The following TTBK2 variants were observed in gnomAD, a reference collection of about 807,000 sequenced individuals.
TTBK2 encodes tau-tubulin kinase 2.
A neutral mutation model predicts 110.8 loss-of-function variants in TTBK2; 28 were observed. The observed-to-expected ratio is 0.25, with a 90% confidence interval of 0.19 to 0.35. The LOEUF is 0.35. Among genes scored for constraint, TTBK2 ranks in the 10% least tolerant of loss-of-function variants. The pLI, the probability that TTBK2 is intolerant of heterozygous loss-of-function variation, is 1.00. For synonymous variants in TTBK2, 532 were observed against 527.3 expected (o/e 1.01, Z -0.12); for missense variants, 1,369 against 1,500.3 (o/e 0.91, Z 1.45).
intron 3 of TTBK2, among the ~76,000 whole-genome samples, chr15:42,862,573 C>G (rs1037845616): frequency 1.3e-5 from 2 of 152,072 alleles, no homozygotes; most frequent in Non-Finnish European, 2.9e-5. Context: ...GACTAGGCAT[C>G]AAAAGAACAT....
chr15:42,871,849 A>C (rs1036807923), intron 3 of TTBK2, among the ~76,000 whole-genome samples: 3 of 152,176 alleles, frequency 2.0e-5, no homozygotes, highest in African/African-American at 7.2e-5. Flanking sequence ...ATCATTCTCT[A>C]ATCAAATGAG....
At chr15:42,832,664 G>T (rs1595961791) in intron 4 of TTBK2, among the ~76,000 whole-genome samples, 1 of 152,268 alleles carries the variant, frequency 6.6e-6, no homozygotes, top group Middle Eastern at 3.4e-3. Flanking sequence ...CCAGAAATAA[G>T]CAGTTAATAA....
At chr15:42,801,379 T>C (rs1891193570) in intron 9 of TTBK2, 1 of 1,383,524 alleles carries the variant, frequency 7.2e-7, no homozygotes, top group Non-Finnish European at 1.0e-6. Flanking sequence ...GCATCCTTAA[T>C]GGCTAGCTCC....
rs142483965 is a variant in TTBK2, at chr15:42,837,939, G to A, written c.291+2421C>T. Among the ~76,000 whole-genome samples the A allele has an allele frequency of 3.7e-3, 562 of 152,266 alleles. 2 individuals carry two copies. The highest frequency in any genetic ancestry group is 0.013 in the African/African-American group (537 of 41,554). Reference sequence around the variant, plus strand: ...AATAAAGAAACCTGCTGGGCGCGGTGGCTCACACCTGTAATCCCAGCACTT... The same window carrying A: ...AATAAAGAAACCTGCTGGGCGCGGTAGCTCACACCTGTAATCCCAGCACTT... On this transcript the variant is annotated intron_variant, in intron 4 of 14. Transcript: ENST00000267890.
intron 13 of TTBK2, among the ~76,000 whole-genome samples, chr15:42,766,524 AACAG>A (rs1218190984): frequency 6.6e-6 from 1 of 151,534 alleles, no homozygotes; most frequent in Non-Finnish European, 1.5e-5. Flanking sequence ...CAAAGATCAA[AACAG>A]ACAAAGAAGG....
At chr15:42,860,991 C>G (rs1422927701) in intron 3 of TTBK2, among the ~76,000 whole-genome samples, 1 of 151,988 alleles carries the variant, frequency 6.6e-6, no homozygotes, top group African/African-American at 2.4e-5. Flanking sequence ...GAATTTAAAC[C>G]AACAACAATC....
chr15:42,798,446 GA>G (rs1208834581), intron 9 of TTBK2, among the ~76,000 whole-genome samples: 5 of 152,122 alleles, frequency 3.3e-5, no homozygotes, highest in Non-Finnish European at 5.9e-5. Flanking sequence ...CCTACATTTA[GA>G]GTCTAAGTTT....
intron 1 of TTBK2, among the ~76,000 whole-genome samples, chr15:42,899,097 T>C (rs1404237808): frequency 6.6e-6 from 1 of 152,024 alleles, no homozygotes; most frequent in African/African-American, 2.4e-5. Flanking sequence ...GGCTAAAGCA[T>C]TCCTCCTACC....
intron 5 of TTBK2, 126 bp downstream of exon 5, chr15:42,829,812 A>G: frequency 7.4e-7 from 1 of 1,344,692 alleles, no homozygotes; most frequent in Non-Finnish European, 1.0e-6. Flanking sequence ...TCTCTATTGG[A>G]ATGAAAATAT....
intron 9 of TTBK2, among the ~76,000 whole-genome samples, chr15:42,799,170 C>A (rs1891069864): frequency 6.6e-6 from 1 of 152,080 alleles, no homozygotes; most frequent in Non-Finnish European, 1.5e-5. Flanking sequence ...GAGATCGAGA[C>A]CATCCTCACT....
rs112355876 is a variant in TTBK2, at chr15:42,816,456, G to A, written c.603+576C>T. 4.2e-3 allele frequency among the ~76,000 whole-genome samples: 636 copies of A among 151,908 alleles called. 2 individuals are homozygous for A. The highest frequency in any genetic ancestry group is 0.01 in the Middle Eastern group (3 of 294). Reference sequence around the variant, plus strand: ...AAAGACATAAATATACTTAGCTATCGTCTTTTCTGGCAAATCCAATTTTAT... The same window carrying A: ...AAAGACATAAATATACTTAGCTATCATCTTTTCTGGCAAATCCAATTTTAT... On this transcript the variant is annotated intron_variant, in intron 7 of 14. Coordinates refer to ENST00000267890, the MANE Select transcript of TTBK2 (RefSeq NM_173500.4).
intron 10 of TTBK2, among the ~76,000 whole-genome samples, chr15:42,785,069 G>GCC (rs1890347793): frequency 6.7e-6 from 1 of 149,958 alleles, no homozygotes; most frequent in South Asian, 2.1e-4. Context: ...AATCAGCTAT[G>GCC]TTATTTTTTT....
chr15:42,801,350 C>T, intron 9 of TTBK2: 1 of 1,547,390 alleles, frequency 6.5e-7, no homozygotes, highest in Non-Finnish European at 8.9e-7. Context: ...CGGCCTCCAG[C>T]TCAGACAGCT....
At chr15:42,786,081 C>T (rs1407257538) in intron 10 of TTBK2, among the ~76,000 whole-genome samples, 4 of 150,546 alleles carry the variant, frequency 2.7e-5, no homozygotes, top group Non-Finnish European at 5.9e-5. Flanking sequence ...CAACAATTTA[C>T]AAGGATATAA....
At chr15:42,746,633 A>AT (rs2061798094) in intron 14 of TTBK2, among the ~76,000 whole-genome samples, 1 of 152,234 alleles carries the variant, frequency 6.6e-6, no homozygotes, top group African/African-American at 2.4e-5. Flanking sequence ...ATGTTAGCAC[A>AT]TAAGACAGAG....
At chr15:42,765,538 T>C (rs1889323574) in intron 13 of TTBK2, among the ~76,000 whole-genome samples, 3 of 152,026 alleles carry the variant, frequency 2.0e-5, no homozygotes, top group African/African-American at 7.3e-5. Context: ...ATCAAATTAA[T>C]GAAATGAAGC....
Position 42,788,142 on chromosome 15 carries a change from G to A in TTBK2, c.981-4507C>T, listed in dbSNP as rs140903811. On this transcript the variant is annotated intron_variant, in intron 10 of 14. Coordinates refer to ENST00000267890, the MANE Select transcript of TTBK2 (RefSeq NM_173500.4). ...ATATATGCGGTGTATCACTGATTGC[G>A]ATGTCATTACACGGCACATGACTGT... Among the ~76,000 whole-genome samples, 6 of 152,170 alleles carry A rather than the reference G, an allele frequency of 3.9e-5. No homozygotes were observed. The South Asian group carries it at 6.2e-4, about 16-fold the overall frequency.
chr15:42,865,552 C>T (rs990595477), intron 3 of TTBK2, among the ~76,000 whole-genome samples: 4 of 149,452 alleles, frequency 2.7e-5, no homozygotes, highest in East Asian at 3.9e-4. Context: ...TGGGCACAGT[C>T]GTGCACACCC....
intron 1 of TTBK2, among the ~76,000 whole-genome samples, chr15:42,914,290 CA>C (rs1385492806): frequency 2.6e-5 from 4 of 151,920 alleles, no homozygotes; most frequent in Non-Finnish European, 5.9e-5. Flanking sequence ...CTTCCTTTTT[CA>C]AAAACAGCAA....
Sources: allele counts gnomAD v4.1 joint callset (sites outside exome capture counted in the v4.1 genomes callset), GRCh38; gene constraint gnomAD v4.1.1; transcripts MANE v1.5; gene names NCBI Gene and HGNC (gene_info 2026-07-23, HGNC 2026-07-21).